Variants in PI4KB observed in about 807,000 individuals in gnomAD.
PI4KB encodes PtdIns 4-kinase beta.
Under a neutral mutation model 81.4 loss-of-function variants are expected in PI4KB, and 23 were observed. The observed-to-expected ratio is 0.28, with a 90% CI of 0.20 to 0.40. The LOEUF is 0.40. Among genes scored for constraint, PI4KB ranks in the 10% least tolerant of loss-of-function variants. The pLI, the probability that PI4KB is intolerant of heterozygous loss-of-function variation, is 1.00. For missense variants in PI4KB, 651 were observed against 1,036.6 expected (o/e 0.63, Z 5.11); for synonymous variants, 381 against 406.8 (o/e 0.94, Z 0.76).
chr1:151,313,057 A>AG (rs587663166), intron 2 of PI4KB, among the ~76,000 whole-genome samples: 1 of 139,332 alleles, frequency 7.2e-6, no homozygotes, highest in Non-Finnish European at 1.5e-5. Flanking sequence ...GGTGGGCGGA[A>AG]GGAAGGAAGG....
At chr1:151,304,295 C>G (rs947682884) in intron 5 of PI4KB, among the ~76,000 whole-genome samples, 15 of 151,058 alleles carry the variant, frequency 9.9e-5, no homozygotes, top group Admixed American at 2.6e-4. Context: ...GGACTATAAG[C>G]TCAAAGACAG....
intron 1 of PI4KB, among the ~76,000 whole-genome samples, chr1:151,326,848 G>A (rs1381903409): frequency 6.6e-6 from 1 of 152,158 alleles, no homozygotes; most frequent in African/African-American, 2.4e-5. Flanking sequence ...AGTTGCACAG[G>A]GACATAGGAG....
Position 151,294,436 on chromosome 1 carries a change from G to A in PI4KB, c.2121C>T (p.Ala707=), listed in dbSNP as rs199524870. 5.6e-5 allele frequency: 91 copies of A among 1,613,900 alleles called. No individual in the cohort carries two copies. The East Asian group carries it at 2.0e-3, about 36-fold the overall frequency. Residue 707 remains alanine (A), a synonymous_variant, in exon 10 of 12, where the codon GCC becomes GCT. Coordinates refer to ENST00000368873, the MANE Select transcript of PI4KB (RefSeq NM_001369623.2). The part of the protein sequence containing the change: ...SPRNLGFETS[A]FKLTTEFVDV... ...CCACAAACTCTGTGGTCAGCTTAAA[G>A]GCTGACGTCTCAAAGCCCAGATTTC...
At position 151,294,505 on chromosome 1, in the gene PI4KB, G is replaced by A. The variant is rs1694623736; in HGVS notation, c.2052C>T (p.His684=). ...NGNILLDAEG[H]IIHIDFGFIL... Reference sequence around the variant, plus strand: ...TGAAGCCAAAGTCGATGTGGATGATGTGGCCTTCTGCGTCCAAAAGGATAT... The same window carrying A: ...TGAAGCCAAAGTCGATGTGGATGATATGGCCTTCTGCGTCCAAAAGGATAT... Residue 684 remains histidine (H), a synonymous_variant, in exon 10 of 12, where the codon CAC becomes CAT. Coordinates refer to ENST00000368873, the MANE Select transcript of PI4KB (RefSeq NM_001369623.2). 2 of 1,614,086 alleles carry A rather than the reference G, an allele frequency of 1.2e-6. No individual in the cohort carries two copies. The highest frequency in any genetic ancestry group is 2.7e-5 in the African/African-American group (2 of 75,008).
chr1:151,324,932 G>A, intron 1 of PI4KB: 1 of 981,862 alleles, frequency 1.0e-6, no homozygotes, highest in South Asian at 4.7e-5. Flanking sequence ...GAAGAAAGCA[G>A]GGAAATGAGA....
Position 151,292,849 on chromosome 1 carries a change from G to A in PI4KB, c.*3C>T, listed in dbSNP as rs762070781. 18 of 1,613,558 alleles carry A rather than the reference G, an allele frequency of 1.1e-5. No individual in the cohort carries two copies. Among genetic ancestry groups the A allele is most frequent in the South Asian group, 2.2e-5 (2 of 91,056 alleles). On this transcript the variant is annotated 3_prime_UTR_variant, in exon 12 of 12. Coordinates refer to ENST00000368873, the MANE Select transcript of PI4KB (RefSeq NM_001369623.2). ...CCCCACCACTCCTGGGCTGAGGAGC[G>A]TGTCACATGATGCCGTTGGTGAGGT...
At chr1:151,294,167 C>CAAGGGG in intron 10 of PI4KB, 29 bp from the exon 11 acceptor site, 2 of 1,602,528 alleles carry the variant, frequency 1.2e-6, no homozygotes, top group Non-Finnish European at 1.7e-6. Context: ...GTTGTGTGCA[C>CAAGGGG]AAGGGGTCTT....
chr1:151,293,282 C>A, intron 11 of PI4KB: 1 of 1,394,236 alleles, frequency 7.2e-7, no homozygotes, highest in Non-Finnish European at 9.4e-7. Flanking sequence ...CACCACATCT[C>A]CCTCAGTAAG....
At chr1:151,302,012 G>A in intron 7 of PI4KB, 45 bp from the exon 8 acceptor site, 1 of 1,607,984 alleles carries the variant, frequency 6.2e-7, no homozygotes, top group Non-Finnish European at 8.5e-7. Flanking sequence ...ATGCCAGGGT[G>A]AGGACAAGAG....
At chr1:151,295,888 C>T (rs950709083) in intron 9 of PI4KB, among the ~76,000 whole-genome samples, 4 of 152,310 alleles carry the variant, frequency 2.6e-5, no homozygotes, top group East Asian at 3.9e-4. Context: ...GCTCCCTGGG[C>T]CCTGAGTTCA....
At chr1:151,324,140 G>A (rs1308699865) in intron 1 of PI4KB, among the ~76,000 whole-genome samples, 1 of 151,932 alleles carries the variant, frequency 6.6e-6, no homozygotes. Flanking sequence ...TAGTAGAGAT[G>A]GGGTTTCACC....
Position 151,315,734 on chromosome 1 carries a change from T to C in PI4KB, c.748A>G (p.Arg250Gly). ...CTCAAGGAGGGCAGCTCCCTCTTCC[T>C]GTGAGCTGGCTTTAGCTCATCTGAG... ...ILSDELKPAH[R>G]KRELPSLSPA... The change falls in exon 2 of 12, where the codon AGG becomes GGG. Residue 250 changes from arginine to glycine, a missense_variant. By Grantham distance (125) the Arg-to-Gly change is moderately radical. Coordinates refer to ENST00000368873, the MANE Select transcript of PI4KB (RefSeq NM_001369623.2). 6.2e-7 allele frequency: 1 copy of C among 1,614,048 alleles called. No homozygotes were observed. The highest frequency in any genetic ancestry group is 8.5e-7 in the Non-Finnish European group (1 of 1,179,930).
intron 2 of PI4KB, among the ~76,000 whole-genome samples, chr1:151,312,072 G>A (rs912374456): frequency 6.6e-5 from 10 of 152,346 alleles, no homozygotes; most frequent in African/African-American, 9.6e-5. Flanking sequence ...GCTTTGAAGC[G>A]GCAGGCTTTG....
intron 3 of PI4KB, among the ~76,000 whole-genome samples, chr1:151,308,785 A>G (rs1476644275): frequency 6.6e-6 from 1 of 151,706 alleles, no homozygotes; most frequent in African/African-American, 2.4e-5. Flanking sequence ...CAGCCACCCA[A>G]CTCCCCATCC....
rs1647952487 is a variant in PI4KB, at chr1:151,316,416, T to G, written c.66A>C (p.Pro22=). The change falls in exon 2 of 12, where the codon CCA becomes CCC. Residue 22 remains proline, a synonymous_variant. Transcript: ENST00000368873. ...KPTSEPTSGP[P]GNNGGSLLSV... ...TTAGCAGGGACCCCCCATTATTCCC[T>G]GGTGGGCCAGAAGTGGGCTCAGAAG... 2 of 1,588,968 alleles carry G rather than the reference T, an allele frequency of 1.3e-6. No homozygotes were observed. Among genetic ancestry groups the G allele is most frequent in the Non-Finnish European group, 1.7e-6 (2 of 1,167,430 alleles).
intron 2 of PI4KB, among the ~76,000 whole-genome samples, chr1:151,312,176 T>C (rs924609230): frequency 3.3e-5 from 5 of 152,118 alleles, no homozygotes; most frequent in Admixed American, 3.3e-4. Flanking sequence ...AAGAGAACAC[T>C]GTGAGAGCTG....
intron 1 of PI4KB, among the ~76,000 whole-genome samples, chr1:151,317,275 G>C (rs1648111263): frequency 6.6e-6 from 1 of 151,608 alleles, no homozygotes; most frequent in South Asian, 2.1e-4. Flanking sequence ...AAGTAGCTGG[G>C]ACCACAGGTG....
chr1:151,322,782 G>A (rs527293250), intron 1 of PI4KB, among the ~76,000 whole-genome samples: 2 of 152,032 alleles, frequency 1.3e-5, no homozygotes, highest in South Asian at 4.2e-4. Flanking sequence ...TGTTGCCCAG[G>A]TTGGAGTGCA....
intron 1 of PI4KB, chr1:151,325,005 TTC>T (rs1649410587): frequency 1.7e-6 from 1 of 588,904 alleles, no homozygotes; most frequent in Non-Finnish European, 2.1e-6. Flanking sequence ...TTTTTTTTTT[TTC>T]CTGAGACAGA....
Sources: gnomAD v4.1 joint callset for allele counts (sites outside exome capture counted in the v4.1 genomes callset) on GRCh38, gnomAD v4.1.1 for gene constraint, MANE v1.5 for transcripts, NCBI Gene and HGNC (gene_info 2026-07-23, HGNC 2026-07-21) for gene names.